Variants in MAGEB6B observed in about 807,000 individuals in gnomAD.
The protein encoded by MAGEB6B is melanoma-associated antigen B6B.
For missense variants in MAGEB6B, 277 were observed against 251.5 expected, an observed-to-expected ratio of 1.10 and a Z score of -0.69; for synonymous variants, 107 against 102.3, an observed-to-expected ratio of 1.05 and a Z score of -0.27.
chrX:26,162,081 G>T (rs1015496318), downstream of MAGEB6B, among the ~76,000 whole-genome samples: 61 of 112,252 alleles, frequency 5.4e-4, 1 homozygote, highest in African/African-American at 1.9e-3. Flanking sequence ...TTAAGTGAAG[G>T]TTTATTTTGC....
At chrX:26,161,327 C>T (rs1305699236) in exon 1 of MAGEB6B, 1 of 647,208 alleles carries the variant, frequency 1.5e-6, no homozygotes, top group Non-Finnish European at 2.6e-6. Context: ...AACCTCCGAA[C>T]ATTTGACGGT....
downstream of MAGEB6B, among the ~76,000 whole-genome samples, chrX:26,162,267 A>T (rs1284711339): frequency 8.9e-6 from 1 of 112,041 alleles, no homozygotes; most frequent in African/African-American, 3.2e-5. Flanking sequence ...ATCTTAAAGA[A>T]CTCCACAGTA....
At chrX:26,161,374 C>A in exon 1 of MAGEB6B, 2 of 700,268 alleles carry the variant, frequency 2.9e-6, no homozygotes, top group Non-Finnish European at 4.7e-6. Flanking sequence ...CGGATTCCAG[C>A]GGCGAGTCCT....
chrX:26,161,210 C>G, exon 1 of MAGEB6B: 1 of 749,131 alleles, frequency 1.3e-6, no homozygotes, highest in South Asian at 2.1e-5. Flanking sequence ...CAAGATGGTG[C>G]AATTCCTGCA....
chrX:26,161,096 T>C, exon 1 of MAGEB6B: 1 of 1,102,677 alleles, frequency 9.1e-7, no homozygotes, highest in Non-Finnish European at 1.3e-6. Flanking sequence ...AGGCTCAAAA[T>C]CTGATGTGGC....
downstream of MAGEB6B, among the ~76,000 whole-genome samples, chrX:26,162,085 AT>A (rs1411042253): frequency 8.9e-6 from 1 of 112,298 alleles, no homozygotes; most frequent in South Asian, 3.7e-4. Context: ...GTGAAGGTTT[AT>A]TTTGCTTCAG....
At chrX:26,161,538 T>G (rs1422589960) in exon 1 of MAGEB6B, 1 of 1,208,847 alleles carries the variant, frequency 8.3e-7, no homozygotes, top group Non-Finnish European at 1.1e-6. Flanking sequence ...TTCCTGGGTC[T>G]GTTGGGGATA....
exon 1 of MAGEB6B, chrX:26,161,341 C>T: frequency 1.5e-6 from 1 of 656,456 alleles, no homozygotes; most frequent in Non-Finnish European, 2.6e-6. Flanking sequence ...TGACGGTGTT[C>T]TTTGGCGTTG....
In MAGEB6B at chrX:26,160,799, G is replaced by T. The variant is rs769938120; in HGVS notation, c.199G>T (p.Ala67Ser). The change falls in exon 1 of 1, where the codon GCT (alanine) becomes TCT (serine). Residue 67 changes from alanine to serine, a missense_variant. Physicochemically the swap from Ala to Ser is moderately conservative, Grantham distance 99. Coordinates refer to ENST00000416929, the Ensembl canonical transcript of MAGEB6B. The stretch of plus-strand genomic sequence containing the variant: ...CTCCGTTCCTCAGGAGTCTCAGGGA[G>T]CTTCACCCACTGGCTATCCTGATGC... 6.5e-6 allele frequency: 4 copies of T among 611,748 alleles called. No individual in the cohort carries two copies. In the Admixed American group the frequency reaches 8.9e-5, roughly 14 times the overall value. 50.4% of individuals were successfully genotyped at this position (611,748 alleles called of 1,213,427 possible).
chrX:26,161,582 G>T, exon 1 of MAGEB6B: 1 of 1,211,456 alleles, frequency 8.3e-7, no homozygotes, highest in Non-Finnish European at 1.1e-6. Context: ...CTATGGGGAT[G>T]CTCGGAAGAT....
downstream of MAGEB6B, among the ~76,000 whole-genome samples, chrX:26,162,182 A>G (rs1928699892): frequency 8.9e-6 from 1 of 112,209 alleles, no homozygotes; most frequent in Non-Finnish European, 1.9e-5. Context: ...AGTAAAACAA[A>G]ATCATACACC....
exon 1 of MAGEB6B, chrX:26,160,772 T>G (rs996818121): frequency 1.7e-6 from 1 of 588,598 alleles, no homozygotes; most frequent in African/African-American, 2.2e-5. Context: ...GTCTTCTGGT[T>G]CCTCCGTTCC....
At chrX:26,160,794 A>T (rs1477734409) in exon 1 of MAGEB6B, 6 of 607,974 alleles carry the variant, frequency 9.9e-6, no homozygotes, top group Admixed American at 2.2e-5. Context: ...CAGGAGTCTC[A>T]GGGAGCTTCA....
chrX:26,160,893 G>A (rs751353006), exon 1 of MAGEB6B: 23 of 599,384 alleles, frequency 3.8e-5, no homozygotes, highest in East Asian at 3.3e-5. Flanking sequence ...AGTACCTCCC[G>A]TGATGCCTCC....
Position 26,161,434 on chromosome X carries a change from T to C in MAGEB6B, c.834T>C (p.Gly278=), listed in dbSNP as rs745418224. The change falls in exon 1 of 1, where the codon GGT becomes GGC. Residue 278 remains glycine, a synonymous_variant. Transcript: ENST00000416929. ...TCTCCAATGAAGGAAGTCTGAGTGG[T>C]GATAATGCGCTGCCGAAGTCGGGTC... 37 of 1,025,456 alleles carry C rather than the reference T, an allele frequency of 3.6e-5. No individual in the cohort carries two copies. In the Admixed American group the frequency reaches 7.6e-4, roughly 21 times the overall value. The allele number at this position is 1,025,456 out of a possible 1,213,427, so 84.5% of individuals were successfully genotyped here.
exon 1 of MAGEB6B, chrX:26,160,711 G>A (rs1757195871): frequency 1.7e-6 from 1 of 571,582 alleles, no homozygotes; most frequent in South Asian, 2.2e-5. Flanking sequence ...AACAAGAAGA[G>A]TCTCGCTCTT....
rs748081505 is a variant in MAGEB6B at position 26,160,631 on chromosome X, G to A, written c.31G>A (p.Ala11Thr). 1.4e-5 allele frequency: 8 copies of A among 569,582 alleles called. No homozygotes were observed. The East Asian group carries it at 2.6e-4, about 19-fold the overall frequency. 46.9% of individuals were successfully genotyped at this position (569,582 alleles called of 1,213,427 possible). Residue 11 changes from alanine to threonine, a missense_variant, in exon 1 of 1, where the codon GCC (alanine) becomes ACC (threonine). Physicochemically the swap from Ala to Thr is moderately conservative, Grantham distance 58. Coordinates refer to ENST00000416929, the Ensembl canonical transcript of MAGEB6B. ...TCGGGGTCAGAAGAGTAAGCTCCGT[G>A]CCCGTGGGAAACGCCGAGAGACCCA... is the stretch of plus-strand genomic sequence containing the variant.
downstream of MAGEB6B, among the ~76,000 whole-genome samples, chrX:26,162,246 C>A (rs934306632): frequency 3.6e-5 from 4 of 111,718 alleles, no homozygotes; most frequent in Admixed American, 1.9e-4. Flanking sequence ...AGAGAAGGGA[C>A]TTTGATATGA....
At chrX:26,160,802 T>G (rs777897707) in exon 1 of MAGEB6B, 1 of 615,182 alleles carries the variant, frequency 1.6e-6, no homozygotes, top group Non-Finnish European at 2.9e-6. Context: ...TCAGGGAGCT[T>G]CACCCACTGG....
Sources: gnomAD v4.1 joint callset for allele counts (sites outside exome capture counted in the v4.1 genomes callset) on GRCh38, gnomAD v4.1.1 for gene constraint, MANE v1.5 for transcripts, NCBI Gene and HGNC (gene_info 2026-07-23, HGNC 2026-07-21) for gene names.